The following ASCC1 variants were observed in gnomAD, a reference collection of about 807,000 sequenced individuals.
The protein encoded by ASCC1 is ASC-1 complex subunit P50.
In ASCC1, 35 loss-of-function variants were observed where a neutral mutation model predicts 46.6. That is an observed-to-expected ratio of 0.75 (90% confidence interval 0.57 to 0.99). The LOEUF (loss-of-function observed/expected upper bound fraction) is 0.99, where lower values mean the gene tolerates loss of function less well. ASCC1 is among the 50% of genes least tolerant of loss of function. The pLI is 0.00. For missense variants in ASCC1, 376 were observed against 428.7 expected, an observed-to-expected ratio of 0.88 and a Z score of 1.09; for synonymous variants, 143 against 146.6, an observed-to-expected ratio of 0.98 and a Z score of 0.18.
chr10:72,203,856 A>G (rs1856836111), intron 3 of ASCC1, among the ~76,000 whole-genome samples: 1 of 152,134 alleles, frequency 6.6e-6, no homozygotes. Flanking sequence ...AGTGGCTCAC[A>G]CCTGTAATCC....
intron 5 of ASCC1, among the ~76,000 whole-genome samples, chr10:72,185,512 C>T (rs1260656778): frequency 6.6e-6 from 1 of 152,058 alleles, no homozygotes; most frequent in African/African-American, 2.4e-5. Flanking sequence ...ATGACTGACT[C>T]CCAAAAATAT....
At chr10:72,108,385 C>A (rs186887286) in intron 9 of ASCC1, among the ~76,000 whole-genome samples, 1 of 152,086 alleles carries the variant, frequency 6.6e-6, no homozygotes. Context: ...TCCTACACTC[C>A]TAAGTTGGAA....
intron 9 of ASCC1, among the ~76,000 whole-genome samples, chr10:72,107,723 T>G (rs1842499575): frequency 6.6e-6 from 1 of 152,212 alleles, no homozygotes. Context: ...AGACTAGACG[T>G]TTTTAATGCT....
intron 7 of ASCC1, among the ~76,000 whole-genome samples, chr10:72,138,600 C>CTTTTTTTTTTTTTTT (rs1011535460): frequency 9.6e-6 from 1 of 104,542 alleles, no homozygotes; most frequent in Admixed American, 9.8e-5. Flanking sequence ...TTCTTTCTTT[C>CTTTTTTTTTTTTTTT]TTTTTTTTTT....
intron 5 of ASCC1, among the ~76,000 whole-genome samples, chr10:72,194,612 G>GCA (rs10677292): frequency 0.14 from 21,616 of 151,778 alleles, 4,371 homozygotes; most frequent in African/African-American, 0.45. Flanking sequence ...AATGTATTCA[G>GCA]CACTCATAAC....
chr10:72,103,791 C>A (rs1330860857), intron 9 of ASCC1, among the ~76,000 whole-genome samples: 1 of 152,126 alleles, frequency 6.6e-6, no homozygotes, highest in Non-Finnish European at 1.5e-5. Context: ...AACAAACAGG[C>A]CTTGCTAAGC....
intron 3 of ASCC1, among the ~76,000 whole-genome samples, chr10:72,205,997 G>C (rs1288496585): frequency 6.6e-6 from 1 of 151,656 alleles, no homozygotes; most frequent in Non-Finnish European, 1.5e-5. Flanking sequence ...CCAGTTACTC[G>C]GGAGGCTGAG....
chr10:72,181,260 G>A (rs773098439), intron 5 of ASCC1, among the ~76,000 whole-genome samples: 4 of 152,120 alleles, frequency 2.6e-5, no homozygotes, highest in East Asian at 1.9e-4. Context: ...CACCGCGCCC[G>A]GCCTATTTGC....
intron 9 of ASCC1, among the ~76,000 whole-genome samples, chr10:72,118,813 T>G (rs1035156856): frequency 7.9e-5 from 12 of 151,818 alleles, no homozygotes; most frequent in Admixed American, 1.3e-4. Context: ...AAGAAAGAAA[T>G]AATATACTTT....
chr10:72,211,946 G>A (rs1038782484), intron 2 of ASCC1, among the ~76,000 whole-genome samples: 3 of 152,198 alleles, frequency 2.0e-5, no homozygotes, highest in Admixed American at 2.0e-4. Flanking sequence ...CACTTTGGGA[G>A]GCCAAGGCAA....
intron 4 of ASCC1, among the ~76,000 whole-genome samples, chr10:72,199,351 G>A (rs1856145518): frequency 7.0e-6 from 1 of 143,382 alleles, no homozygotes; most frequent in Admixed American, 7.3e-5. Context: ...AGGCTGGAGT[G>A]CAGTGGCACG....
intron 3 of ASCC1, among the ~76,000 whole-genome samples, chr10:72,209,994 T>C (rs1589655955): frequency 6.6e-6 from 1 of 151,830 alleles, no homozygotes; most frequent in South Asian, 2.1e-4. Context: ...TGTTTAAAAG[T>C]GTGTGACATC....
intron 9 of ASCC1, among the ~76,000 whole-genome samples, chr10:72,107,644 C>T (rs1212520672): frequency 6.6e-6 from 1 of 152,208 alleles, no homozygotes; most frequent in African/African-American, 2.4e-5. Flanking sequence ...ACACACATAC[C>T]TTCACCTAGG....
At chr10:72,163,818 A>C (rs1850005580) in intron 5 of ASCC1, among the ~76,000 whole-genome samples, 1 of 152,150 alleles carries the variant, frequency 6.6e-6, no homozygotes, top group African/African-American at 2.4e-5. Flanking sequence ...AAATTCACAT[A>C]ATATAAAATT....
chr10:72,196,643 T>C (rs1409951655), intron 5 of ASCC1, among the ~76,000 whole-genome samples, 168 bp downstream of exon 5: 1 of 152,228 alleles, frequency 6.6e-6, no homozygotes, highest in Non-Finnish European at 1.5e-5. Context: ...TGAGCTGATA[T>C]GTCCATACAC....
Position 72,152,789 on chromosome 10 carries a change from A to G in ASCC1, c.746+80T>C. On this transcript the variant is annotated intron_variant, in intron 7 of 9. Coordinates refer to ENST00000672957, the MANE Select transcript of ASCC1 (RefSeq NM_001198800.3). The stretch of plus-strand genomic sequence containing the variant: ...TCTTTACAATAAGAACTCAAAGAAA[A>G]GGAATCAAAATGAATCAAACTTTTG... 3 of 1,531,280 alleles carry G rather than the reference A, an allele frequency of 2.0e-6. No individual in the cohort carries two copies. In the South Asian group the frequency reaches 3.4e-5, roughly 17 times the overall value. The allele number at this position is 1,531,280 out of a possible 1,614,324, so 94.9% of individuals were successfully genotyped here.
At chr10:72,165,116 C>CTTTTT (rs60672884) in intron 5 of ASCC1, among the ~76,000 whole-genome samples, 33 of 151,872 alleles carry the variant, frequency 2.2e-4, no homozygotes, top group African/African-American at 8.0e-4. Context: ...AGTTGAAACT[C>CTTTTT]TTTTTCTTTT....
chr10:72,210,673 A>G, intron 3 of ASCC1, 59 bp downstream of exon 3: 1 of 1,431,918 alleles, frequency 7.0e-7, no homozygotes, highest in Non-Finnish European at 9.8e-7. Flanking sequence ...CAAAGGGTCC[A>G]CTTCCCGCTG....
chr10:72,136,217 G>T (rs1262170117), intron 7 of ASCC1, among the ~76,000 whole-genome samples: 2 of 152,078 alleles, frequency 1.3e-5, no homozygotes, highest in African/African-American at 4.8e-5. Flanking sequence ...TTGAATGGGG[G>T]ACTTGGAGAA....
Sources: allele counts gnomAD v4.1 joint callset (sites outside exome capture counted in the v4.1 genomes callset), GRCh38; gene constraint gnomAD v4.1.1; transcripts MANE v1.5; gene names NCBI Gene and HGNC (gene_info 2026-07-23, HGNC 2026-07-21).